CDC14A: variants seen among roughly 807,000 people sequenced by gnomAD.
CDC14A encodes the protein dual specificity protein phosphatase CDC14A.
A neutral mutation model predicts 74.4 loss-of-function variants in CDC14A; 53 were observed. The ratio of observed to expected loss-of-function variants is 0.71; its 90% CI spans 0.57 to 0.89. The LOEUF is 0.89. Among genes scored for constraint, CDC14A ranks in the 40% least tolerant of loss-of-function variants. The pLI is 0.00. For synonymous variants in CDC14A, 247 were observed against 258.4 expected, an observed-to-expected ratio of 0.96 and a Z score of 0.43; for missense variants, 646 against 713.7, an observed-to-expected ratio of 0.91 and a Z score of 1.08.
chr1:100,429,724 T>A (rs1663418316), intron 5 of CDC14A, among the ~76,000 whole-genome samples: 1 of 143,542 alleles, frequency 7.0e-6, no homozygotes, highest in Non-Finnish European at 1.5e-5. Flanking sequence ...TATATATATA[T>A]TATATATATA....
At chr1:100,454,841 C>T (rs2101179902) in intron 7 of CDC14A, among the ~76,000 whole-genome samples, 1 of 152,246 alleles carries the variant, frequency 6.6e-6, no homozygotes, top group Admixed American at 6.5e-5. Flanking sequence ...TCTTGTTATC[C>T]TCCAGAGTAC....
rs1650465437 is a variant in CDC14A, at chr1:100,519,071, A to T, written c.*791A>T. 1 of 152,098 alleles carries T rather than the reference A, an allele frequency of 6.6e-6. No homozygotes were observed. The highest frequency in any genetic ancestry group is 1.5e-5 in the Non-Finnish European group (1 of 67,982). The allele number at this position is 152,098 out of a possible 1,614,324, so 9.4% of individuals were successfully genotyped here. A position where few individuals can be genotyped will look rare whatever the true frequency, so the allele number is the denominator to read the frequency against. ...TTCACTGAATATTTCTTCTGAGAGC[A>T]TGGTTTCATGGTTTTTCTCTATGAA... On this transcript the variant is annotated 3_prime_UTR_variant, in exon 16 of 16. Transcript: ENST00000336454.
At chr1:100,362,769 T>C (rs1652934791) in intron 2 of CDC14A, among the ~76,000 whole-genome samples, 1 of 152,242 alleles carries the variant, frequency 6.6e-6, no homozygotes. Flanking sequence ...TAAAAATATG[T>C]AACATCCCCA....
rs114106619 is a variant in CDC14A at position 100,437,278 on chromosome 1, A to G, written c.390-2654A>G. Among the ~76,000 whole-genome samples, 1,322 of 152,300 alleles carry G rather than the reference A, an allele frequency of 8.7e-3. 19 individuals are homozygous for G. The highest frequency in any genetic ancestry group is 0.03 in the African/African-American group (1,242 of 41,540). On this transcript the variant is annotated intron_variant, in intron 5 of 15. Coordinates refer to ENST00000336454, the MANE Select transcript of CDC14A (RefSeq NM_003672.4). ...TCTCTCTTTCTCCCCCAGAGAATAC[A>G]TAACATGTTCTTGTGTCCCTTCACT...
At chr1:100,397,763 T>TA (rs1337000132) in intron 4 of CDC14A, among the ~76,000 whole-genome samples, 1 of 152,256 alleles carries the variant, frequency 6.6e-6, no homozygotes, top group Non-Finnish European at 1.5e-5. Context: ...ACCCACTTGT[T>TA]AAGTCTTTGC....
chr1:100,430,053 C>T (rs1252387807), intron 5 of CDC14A, among the ~76,000 whole-genome samples: 2 of 152,070 alleles, frequency 1.3e-5, no homozygotes, highest in Non-Finnish European at 2.9e-5. Context: ...TGATTTTCTT[C>T]CTCCTGCCCC....
chr1:100,457,476 A>G (rs758668929), intron 8 of CDC14A, among the ~76,000 whole-genome samples: 6 of 152,068 alleles, frequency 3.9e-5, no homozygotes, highest in Non-Finnish European at 8.8e-5. Flanking sequence ...TTGTTTATTT[A>G]GAGACAGGCT....
At chr1:100,496,098 C>T in intron 13 of CDC14A, 49 bp downstream of exon 13, 1 of 1,485,506 alleles carries the variant, frequency 6.7e-7, no homozygotes, top group Non-Finnish European at 9.4e-7. Context: ...TATATGCTTC[C>T]TTTTAGCCAT....
At chr1:100,476,025 G>C (rs981459423) in intron 10 of CDC14A, among the ~76,000 whole-genome samples, 1 of 152,140 alleles carries the variant, frequency 6.6e-6, no homozygotes, top group Non-Finnish European at 1.5e-5. Flanking sequence ...TGGCTGGCAG[G>C]GTTAGGGCCA....
chr1:100,366,080 G>A (rs1653555021), intron 2 of CDC14A, among the ~76,000 whole-genome samples: 1 of 152,046 alleles, frequency 6.6e-6, no homozygotes. Context: ...TTGTGGGTAG[G>A]GACTGGTGAC....
At chr1:100,472,559 TA>T (rs1404891049) in intron 10 of CDC14A, among the ~76,000 whole-genome samples, 1 of 152,162 alleles carries the variant, frequency 6.6e-6, no homozygotes, top group Non-Finnish European at 1.5e-5. Context: ...TAGGGTCTTT[TA>T]CAGAATAAAA....
intron 2 of CDC14A, among the ~76,000 whole-genome samples, chr1:100,370,076 C>T (rs953263761): frequency 3.0e-4 from 46 of 151,720 alleles, no homozygotes; most frequent in African/African-American, 9.9e-4. Context: ...CTCGACCTCC[C>T]GGGCTCAAGC....
In CDC14A at chr1:100,455,435, G is replaced by A. The variant is rs1293206114; in HGVS notation, c.550G>A (p.Val184Ile). 13 of 1,603,200 alleles carry A rather than the reference G, an allele frequency of 8.1e-6. No homozygotes were observed. The highest frequency in any genetic ancestry group is 4.5e-5 in the East Asian group (2 of 44,544). The change falls in exon 8 of 16, where the codon GTT becomes ATT. Residue 184 changes from valine to isoleucine, a missense_variant. Coordinates refer to ENST00000336454, the MANE Select transcript of CDC14A (RefSeq NM_003672.4). Reference sequence around the variant, plus strand: ...TGAAAATGGTGACTTCAACTGGATTGTTCCAGGAAAATTTTTAGCATTTAG... The same window carrying A: ...TGAAAATGGTGACTTCAACTGGATTATTCCAGGAAAATTTTTAGCATTTAG... ...RVENGDFNWI[V>I]PGKFLAFSGP...
At chr1:100,382,212 T>A (rs932254440) in intron 3 of CDC14A, among the ~76,000 whole-genome samples, 1 of 117,354 alleles carries the variant, frequency 8.5e-6, no homozygotes, top group Non-Finnish European at 1.7e-5. Flanking sequence ...TCCTCTATTC[T>A]TTTTTTTTTT....
At position 100,378,503 on chromosome 1, in the gene CDC14A, TTCTGTGATTA is replaced by T. The variant is rs1279283621; in HGVS notation, c.216+884_216+893del. On this transcript the variant is annotated intron_variant, in intron 3 of 15. Coordinates refer to ENST00000336454, the MANE Select transcript of CDC14A (RefSeq NM_003672.4). Reference sequence around the variant, plus strand: ...TACAATGCCTTGGACATATTAACTGTTCTGTGATTATTTTTTGATTTGATTGGTTTTTAAT... The same window carrying T: ...TACAATGCCTTGGACATATTAACTGTTTTTTTGATTTGATTGGTTTTTAAT... 3.9e-5 allele frequency among the ~76,000 whole-genome samples: 6 copies of T among 152,296 alleles called. No homozygotes were observed. In the East Asian group the frequency reaches 5.8e-4, roughly 15 times the overall value.
At chr1:100,499,287 G>C (rs1363486990) in intron 15 of CDC14A, 25 bp downstream of exon 15, 1 of 1,614,130 alleles carries the variant, frequency 6.2e-7, no homozygotes, top group Non-Finnish European at 8.5e-7. Context: ...ACCACCTCCT[G>C]GTCCTCAGAA....
intron 10 of CDC14A, among the ~76,000 whole-genome samples, chr1:100,484,072 G>A (rs1237634241): frequency 6.6e-6 from 1 of 152,152 alleles, no homozygotes; most frequent in Non-Finnish European, 1.5e-5. Context: ...GACAAATATT[G>A]GAGGATGACA....
chr1:100,471,985 T>C (rs1178551413), intron 10 of CDC14A, among the ~76,000 whole-genome samples: 1 of 152,100 alleles, frequency 6.6e-6, no homozygotes, highest in Admixed American at 6.5e-5. Flanking sequence ...TGAGTTGAAA[T>C]TGTAAAATTC....
At chr1:100,364,263 A>G (rs1185789502) in intron 2 of CDC14A, among the ~76,000 whole-genome samples, 1 of 151,302 alleles carries the variant, frequency 6.6e-6, no homozygotes, top group African/African-American at 2.4e-5. Context: ...GCTGGAGTGC[A>G]GTGGCCCGAT....
Sources: allele counts gnomAD v4.1 joint callset (sites outside exome capture counted in the v4.1 genomes callset), GRCh38; gene constraint gnomAD v4.1.1; transcripts MANE v1.5; gene names NCBI Gene and HGNC (gene_info 2026-07-23, HGNC 2026-07-21).